LGSN: variants seen among roughly 807,000 people sequenced by gnomAD.
LGSN encodes the protein lengsin, lens protein with glutamine synthetase domain.
A neutral mutation model predicts 19.5 loss-of-function variants in LGSN; 21 were observed. That is an observed-to-expected ratio of 1.07 (90% CI 0.76 to 1.55). The LOEUF (loss-of-function observed/expected upper bound fraction) is 1.55. LGSN is among the 40% of genes most tolerant of loss of function. The pLI, the probability that LGSN is intolerant of heterozygous loss-of-function variation, is 0.00. For missense variants in LGSN, 673 were observed against 608.5 expected (o/e 1.11, Z -1.12); for synonymous variants, 257 against 215.6 (o/e 1.19, Z -1.68).
At chr6:63,560,964 C>T in the LGSN span, among the ~76,000 whole-genome samples, 1 of 152,144 alleles carries the variant, frequency 6.6e-6, no homozygotes, top group Non-Finnish European at 1.5e-5. Flanking sequence ...TTATGATTCA[C>T]TTTTACTAAA....
the LGSN span, among the ~76,000 whole-genome samples, chr6:63,490,778 A>G: frequency 6.6e-6 from 1 of 152,118 alleles, no homozygotes; most frequent in Non-Finnish European, 1.5e-5. Flanking sequence ...GAGAAGTCTC[A>G]TGATCTGTCT....
At chr6:63,422,157 G>T in the LGSN span, among the ~76,000 whole-genome samples, 1 of 152,078 alleles carries the variant, frequency 6.6e-6, no homozygotes, top group Admixed American at 6.6e-5. Context: ...TCTACCTCCC[G>T]GGTTCAAGCG....
At chr6:63,518,909 G>C in the LGSN span, among the ~76,000 whole-genome samples, 3 of 152,164 alleles carry the variant, frequency 2.0e-5, no homozygotes, top group African/African-American at 7.2e-5. Context: ...AGAAAAAAAA[G>C]CAGGATACAT....
the LGSN span, among the ~76,000 whole-genome samples, chr6:63,412,460 A>G: frequency 1.5e-5 from 2 of 134,950 alleles, no homozygotes; most frequent in African/African-American, 3.3e-5. Flanking sequence ...GAAAGAAAGA[A>G]AGAAAAAGAG....
At chr6:63,374,033 G>A in the LGSN span, among the ~76,000 whole-genome samples, 3 of 152,046 alleles carry the variant, frequency 2.0e-5, no homozygotes, top group Non-Finnish European at 4.4e-5. Context: ...CAATGCTAAT[G>A]GACTAATTTT....
chr6:63,412,718 G>GAAAGAAAGAAA, the LGSN span, among the ~76,000 whole-genome samples: 1 of 54,750 alleles, frequency 1.8e-5, no homozygotes, highest in South Asian at 7.0e-4. Context: ...AGGGAAGGAA[G>GAAAGAAAGAAA]GAAAGAAAGA....
At chr6:63,403,540 T>C in the LGSN span, among the ~76,000 whole-genome samples, 1 of 151,498 alleles carries the variant, frequency 6.6e-6, no homozygotes, top group Non-Finnish European at 1.5e-5. Context: ...GATCAAAACA[T>C]AAATTAAGTA....
the LGSN span, among the ~76,000 whole-genome samples, chr6:63,400,488 T>C: frequency 6.6e-6 from 1 of 152,200 alleles, no homozygotes; most frequent in Non-Finnish European, 1.5e-5. Context: ...TGGCTTAATG[T>C]AAGATTAAAT....
chr6:63,468,454 A>T, the LGSN span, among the ~76,000 whole-genome samples: 1 of 150,568 alleles, frequency 6.6e-6, no homozygotes, highest in African/African-American at 2.4e-5. Context: ...TTGAGACAGA[A>T]TCTTGCTCTG....
At chr6:63,520,232 T>C in the LGSN span, among the ~76,000 whole-genome samples, 1 of 152,240 alleles carries the variant, frequency 6.6e-6, no homozygotes, top group East Asian at 1.9e-4. Context: ...ATTAGACATT[T>C]ATGTGATTCT....
chr6:63,476,426 T>A, the LGSN span, among the ~76,000 whole-genome samples: 3 of 152,358 alleles, frequency 2.0e-5, no homozygotes, highest in African/African-American at 7.2e-5. Flanking sequence ...TGTTAGTAGT[T>A]CAGGAAGAGC....
the LGSN span, among the ~76,000 whole-genome samples, chr6:63,562,208 T>C: frequency 2.0e-5 from 3 of 151,444 alleles, no homozygotes; most frequent in Admixed American, 6.6e-5. Context: ...TTTCTTTTTT[T>C]TTTTTTTTGA....
the LGSN span, chr6:63,549,467 C>T: frequency 2.6e-5 from 21 of 794,960 alleles, no homozygotes; most frequent in African/African-American, 2.7e-4. Flanking sequence ...ACAGCAGGGC[C>T]GGAGCCACCT....
At chr6:63,471,664 C>CAAA in the LGSN span, among the ~76,000 whole-genome samples, 4 of 123,492 alleles carry the variant, frequency 3.2e-5, no homozygotes, top group African/African-American at 1.1e-4. Flanking sequence ...AAGACTCTGT[C>CAAA]AAAAAAAAAA....
chr6:63,542,135 C>T, the LGSN span, among the ~76,000 whole-genome samples: 1 of 151,648 alleles, frequency 6.6e-6, no homozygotes, highest in African/African-American at 2.4e-5. Context: ...ACCTGGATGA[C>T]ATTGGAGAAT....
At chr6:63,499,004 A>G in the LGSN span, among the ~76,000 whole-genome samples, 1 of 152,088 alleles carries the variant, frequency 6.6e-6, no homozygotes, top group Non-Finnish European at 1.5e-5. Context: ...AAATTATCAT[A>G]TTGATGGTTT....
chr6:63,451,512 G>C, the LGSN span, among the ~76,000 whole-genome samples: 1 of 152,110 alleles, frequency 6.6e-6, no homozygotes, highest in Non-Finnish European at 1.5e-5. Context: ...ATACCACATA[G>C]TTGTAGCTCT....
At chr6:63,361,952 C>T in the LGSN span, among the ~76,000 whole-genome samples, 1 of 152,168 alleles carries the variant, frequency 6.6e-6, no homozygotes, top group Non-Finnish European at 1.5e-5. Context: ...GTATGTCAGG[C>T]ACACTTGTAG....
the LGSN span, among the ~76,000 whole-genome samples, chr6:63,497,804 A>G: frequency 1.3e-5 from 2 of 151,986 alleles, no homozygotes; most frequent in Non-Finnish European, 2.9e-5. Context: ...GAGATAGTTG[A>G]CATAAATTCT....
Sources: gnomAD v4.1 joint callset for allele counts (sites outside exome capture counted in the v4.1 genomes callset) on GRCh38, gnomAD v4.1.1 for gene constraint, MANE v1.5 for transcripts, NCBI Gene and HGNC (gene_info 2026-07-23, HGNC 2026-07-21) for gene names.